LAMC1: variants seen among roughly 807,000 people sequenced by gnomAD.
LAMC1 encodes laminin subunit gamma-1.
A neutral mutation model predicts 173.6 loss-of-function variants in LAMC1; 38 were observed. That is an observed-to-expected ratio of 0.22 (90% CI 0.17 to 0.29). The LOEUF (loss-of-function observed/expected upper bound fraction) is 0.29, where lower values mean the gene tolerates loss of function less well. LAMC1 is among the 10% of genes least tolerant of loss of function. The pLI is 1.00. For missense variants in LAMC1, 1,824 were observed against 2,051.8 expected, an observed-to-expected ratio of 0.89 and a Z score of 2.14; for synonymous variants, 746 against 749.1, an observed-to-expected ratio of 1.00 and a Z score of 0.07.
chr1:183,134,013 G>C (rs983506454), intron 22 of LAMC1, among the ~76,000 whole-genome samples: 2 of 152,228 alleles, frequency 1.3e-5, no homozygotes, highest in Non-Finnish European at 2.9e-5. Context: ...TAGAGACCTA[G>C]AGAGAAATAA....
rs1423170497 is a variant in LAMC1 at position 183,144,140 on chromosome 1, C to CT, written c.*1352dup. The CT allele has an allele frequency of 2.0e-5, 3 of 152,574 alleles. No individual in the cohort carries two copies. The highest frequency in any genetic ancestry group is 7.2e-5 in the African/African-American group (3 of 41,428). 9.5% of individuals were successfully genotyped at this position (152,574 alleles called of 1,614,324 possible). A position where few individuals can be genotyped will look rare whatever the true frequency, so the allele number is the denominator to read the frequency against. ...GTGACAGTTCCCTGCCACACACCCC[C>CT]TTCCTCCTACCAACCCACCTTTGAG... On this transcript the variant is annotated 3_prime_UTR_variant, in exon 28 of 28. Transcript: ENST00000258341.
chr1:183,050,610 G>C (rs1654398322), intron 1 of LAMC1, among the ~76,000 whole-genome samples: 1 of 142,662 alleles, frequency 7.0e-6, no homozygotes, highest in Middle Eastern at 3.6e-3. Context: ...AGAATCACTG[G>C]GCCAGGCTCG....
chr1:183,130,631 T>G, intron 19 of LAMC1, 82 bp downstream of exon 19: 1 of 1,055,246 alleles, frequency 9.5e-7, no homozygotes, highest in Non-Finnish European at 1.4e-6. Context: ...AGTGGAGTGC[T>G]TCTTCAACTA....
In LAMC1 at chr1:183,140,427, C is replaced by G. The variant is rs1478325918; in HGVS notation, c.4497C>G (p.Ala1499=). The G allele has an allele frequency of 6.2e-7, 1 of 1,613,178 alleles. No individual in the cohort carries two copies. Among genetic ancestry groups the G allele is most frequent in the Non-Finnish European group, 8.5e-7 (1 of 1,179,560 alleles). The change falls in exon 27 of 28, where the codon GCC becomes GCG. Residue 1499 remains alanine (A), a synonymous_variant. Coordinates refer to ENST00000258341, the MANE Select transcript of LAMC1 (RefSeq NM_002293.4). ...AGMASQAAQE[A]EINARKAKNS... Reference sequence around the variant, plus strand: ...AGGCTTCACAGGCTGCTCAAGAAGCCGAGATCAATGCCAGAAAAGCCAAAA... The same window carrying G: ...AGGCTTCACAGGCTGCTCAAGAAGCGGAGATCAATGCCAGAAAAGCCAAAA...
chr1:183,117,796 G>T, intron 10 of LAMC1, 73 bp downstream of exon 10: 1 of 1,328,518 alleles, frequency 7.5e-7, no homozygotes. Context: ...AAGTTTAACT[G>T]GCCTCTAGAT....
chr1:183,036,862 A>G (rs1238244826), intron 1 of LAMC1, among the ~76,000 whole-genome samples: 2 of 150,970 alleles, frequency 1.3e-5, no homozygotes, highest in African/African-American at 4.9e-5. Flanking sequence ...TGCAACCTCT[A>G]CCTCCTGGGT....
intron 1 of LAMC1, among the ~76,000 whole-genome samples, chr1:183,093,497 T>G (rs1388055669): frequency 6.6e-6 from 1 of 152,204 alleles, no homozygotes; most frequent in East Asian, 1.9e-4. Context: ...TGCTAAAAGT[T>G]GGTATGTCCC....
Position 183,117,582 on chromosome 1 carries a change from TCTC to T in LAMC1, c.1739_1741del (p.Ser580del). On this transcript the variant is annotated inframe_deletion, in exon 10 of 28. Coordinates refer to ENST00000258341, the MANE Select transcript of LAMC1 (RefSeq NM_002293.4). ...TTGAGTTATGGTCAGAACCTCTCCT[TCTC>T]CTTTCGAGTGGACAGGCGAGATACT... The T allele has an allele frequency of 6.2e-7, 1 of 1,614,150 alleles. No homozygotes were observed.
intron 1 of LAMC1, among the ~76,000 whole-genome samples, chr1:183,067,561 T>C (rs1203896721): frequency 6.6e-6 from 1 of 152,164 alleles, no homozygotes; most frequent in African/African-American, 2.4e-5. Context: ...GGATCTTGGC[T>C]CACTGCAACC....
chr1:183,038,118 C>T (rs2102012741), intron 1 of LAMC1, among the ~76,000 whole-genome samples: 1 of 151,044 alleles, frequency 6.6e-6, no homozygotes, highest in Non-Finnish European at 1.5e-5. Flanking sequence ...TCACTGCAAC[C>T]TCCGCCTCCC....
intron 2 of LAMC1, among the ~76,000 whole-genome samples, chr1:183,106,038 T>G (rs908348110): frequency 6.6e-6 from 1 of 152,218 alleles, no homozygotes; most frequent in African/African-American, 2.4e-5. Context: ...AGTAACCCTG[T>G]AAGGTAGATA....
intron 1 of LAMC1, among the ~76,000 whole-genome samples, chr1:183,044,502 A>G (rs1654215890): frequency 6.6e-6 from 1 of 152,158 alleles, no homozygotes; most frequent in Admixed American, 6.5e-5. Context: ...ATAGGCATTT[A>G]AATATTCTTT....
In LAMC1 at chr1:183,124,720, A is replaced by C; in HGVS notation, c.2491A>C (p.Ser831Arg). The C allele has an allele frequency of 6.2e-7, 1 of 1,614,224 alleles. No homozygotes were observed. Among genetic ancestry groups the C allele is most frequent in the Admixed American group, 1.7e-5 (1 of 60,024 alleles). Residue 831 changes from serine to arginine, a missense_variant, in exon 14 of 28, where the codon AGT (serine) becomes CGT (arginine). By Grantham distance (110) the Ser-to-Arg change is moderately radical. Coordinates refer to ENST00000258341, the MANE Select transcript of LAMC1 (RefSeq NM_002293.4). ...GAGACTTTGCCGCCTGTGCCAGTGCAGTGACAACATCGATCCCAATGCAGT... is the reference window on the plus strand; with the variant it reads ...GAGACTTTGCCGCCTGTGCCAGTGCCGTGACAACATCGATCCCAATGCAGT... ...PVRLCRLCQC[S>R]DNIDPNAVGN...
rs983283752 is a variant in LAMC1 at position 183,023,642 on chromosome 1, C to T, written c.-75C>T. The T allele has an allele frequency of 2.0e-5, 22 of 1,100,390 alleles. No individual in the cohort carries two copies. The highest frequency in any genetic ancestry group is 2.5e-5 in the Non-Finnish European group (22 of 895,394). 68.2% of individuals were successfully genotyped at this position (1,100,390 alleles called of 1,614,324 possible). A position where few individuals can be genotyped will look rare whatever the true frequency, so the allele number is the denominator to read the frequency against. ...CCAGGCTCAAGCAGCGAAGCGGCCT[C>T]CGGGGGACGCCGCTAGGCGAGAGGA... On this transcript the variant is annotated 5_prime_UTR_variant, in exon 1 of 28. Coordinates refer to ENST00000258341, the MANE Select transcript of LAMC1 (RefSeq NM_002293.4).
At chr1:183,116,479 A>C (rs1474312305) in intron 6 of LAMC1, 98 bp from the exon 7 acceptor site, 2 of 858,314 alleles carry the variant, frequency 2.3e-6, no homozygotes, top group Non-Finnish European at 3.6e-6. Flanking sequence ...TCTGTCTCAA[A>C]AAAAAAAAAA....
chr1:183,127,699 G>A (rs1048017117), intron 17 of LAMC1, among the ~76,000 whole-genome samples: 1 of 152,154 alleles, frequency 6.6e-6, no homozygotes, highest in African/African-American at 2.4e-5. Context: ...GGAATGAGCC[G>A]AGTGAAAAGT....
At position 183,143,249 on chromosome 1, in the gene LAMC1, G is replaced by T; in HGVS notation, c.*459G>T. 1.3e-5 allele frequency: 2 copies of T among 157,164 alleles called. No homozygotes were observed. Among genetic ancestry groups the T allele is most frequent in the Admixed American group, 6.0e-5 (1 of 16,612 alleles). The allele number at this position is 157,164 out of a possible 1,614,324, so 9.7% of individuals were successfully genotyped here. On this transcript the variant is annotated 3_prime_UTR_variant, in exon 28 of 28. Transcript: ENST00000258341. The stretch of plus-strand genomic sequence containing the variant: ...GTGATGGCCAGTATATCCAGTCCAT[G>T]GATAAAGAAAATGCATCTGCATCTC...
chr1:183,142,506 C>T (rs760848117), intron 27 of LAMC1, 28 bp from the exon 28 acceptor site: 1 of 1,579,876 alleles, frequency 6.3e-7, no homozygotes, highest in Admixed American at 1.8e-5. Flanking sequence ...TATGTCTGTT[C>T]TCTTCTATGT....
In LAMC1 at chr1:183,112,079, C is replaced by T. The variant is rs73053853; in HGVS notation, c.1021+1425C>T. Among the ~76,000 whole-genome samples, 993 of 152,198 alleles carry T rather than the reference C, an allele frequency of 6.5e-3. 8 individuals are homozygous for T. Among genetic ancestry groups the T allele is most frequent in the African/African-American group, 0.02 (844 of 41,536 alleles). Reference sequence around the variant, plus strand: ...ACAAAAAAATTATTGGCAGAAACCCCGAGAAGGGACCACTATCTTAACTCA... The same window carrying T: ...ACAAAAAAATTATTGGCAGAAACCCTGAGAAGGGACCACTATCTTAACTCA... On this transcript the variant is annotated intron_variant, in intron 4 of 27. Transcript: ENST00000258341.
Sources: gnomAD v4.1 joint callset for allele counts (sites outside exome capture counted in the v4.1 genomes callset) on GRCh38, gnomAD v4.1.1 for gene constraint, MANE v1.5 for transcripts, NCBI Gene and HGNC (gene_info 2026-07-23, HGNC 2026-07-21) for gene names.